SYN3: variants seen among roughly 807,000 people sequenced by gnomAD.
SYN3 encodes synapsin III.
A neutral mutation model predicts 65.8 loss-of-function variants in SYN3; 35 were observed. The observed-to-expected ratio is 0.53, with a 90% CI of 0.41 to 0.70. The LOEUF is 0.70. SYN3 is among the 30% of genes least tolerant of loss of function. The pLI, the probability that SYN3 is intolerant of heterozygous loss-of-function variation, is 0.00. For missense variants in SYN3, 680 were observed against 749.0 expected (o/e 0.91, Z 1.08); for synonymous variants, 270 against 292.9 (o/e 0.92, Z 0.80).
chr22:32,899,091 A>G lies in SYN3; in HGVS notation c.462-29966T>C, dbSNP rs1263733830. Among the ~76,000 whole-genome samples the G allele has an allele frequency of 7.7e-4, 13 of 16,862 alleles. No individual in the cohort carries two copies. In the Admixed American group the frequency reaches 8.0e-3, roughly 10 times the overall value. The allele number at this position is 16,862 out of a possible 152,430, so 11.1% of individuals were successfully genotyped here. On this transcript the variant is annotated intron_variant, in intron 4 of 13. Transcript: ENST00000358763. ...CACTCCAGCTTGGCGACAGAGTGAG[A>G]CTCTGTCTCAAAAACAAAACAAAAC...
At chr22:32,635,872 G>A (rs996927204) in intron 6 of SYN3, among the ~76,000 whole-genome samples, 15 of 152,082 alleles carry the variant, frequency 9.9e-5, no homozygotes, top group Admixed American at 5.2e-4. Flanking sequence ...ACTTAAGAAA[G>A]AATGATAAAA....
intron 12 of SYN3, among the ~76,000 whole-genome samples, chr22:32,526,621 T>G (rs1201241220): frequency 6.6e-6 from 1 of 152,148 alleles, no homozygotes; most frequent in Non-Finnish European, 1.5e-5. Flanking sequence ...GTTCAAGCGA[T>G]TCTCCTGCCT....
At chr22:33,045,957 T>A (rs2054056166) in intron 1 of SYN3, among the ~76,000 whole-genome samples, 1 of 150,150 alleles carries the variant, frequency 6.7e-6, no homozygotes, top group African/African-American at 2.5e-5. Flanking sequence ...TCCAAGAAAG[T>A]ACTGGTATAT....
chr22:32,522,936 A>T (rs2057911981), intron 12 of SYN3, among the ~76,000 whole-genome samples: 1 of 152,150 alleles, frequency 6.6e-6, no homozygotes, highest in Admixed American at 6.5e-5. Context: ...TATTTTATAC[A>T]GGCATACCTT....
chr22:32,835,076 A>G (rs2047690854), intron 6 of SYN3, among the ~76,000 whole-genome samples: 2 of 152,036 alleles, frequency 1.3e-5, no homozygotes, highest in Admixed American at 6.6e-5. Flanking sequence ...TTTTCTTTCC[A>G]TGATCAAAAC....
intron 6 of SYN3, among the ~76,000 whole-genome samples, chr22:32,811,397 T>C (rs1022741803): frequency 6.6e-6 from 1 of 152,198 alleles, no homozygotes; most frequent in African/African-American, 2.4e-5. Context: ...AGTGTTGTTA[T>C]AGAGCAGAGC....
rs1352294896 is a variant in SYN3 at position 33,006,358 on chromosome 22, G to A, written c.305C>T (p.Thr102Ile). The change falls in exon 2 of 14, where the codon ACA becomes ATA. Residue 102 changes from threonine (T) to isoleucine (I), a missense_variant. By Grantham distance (89) the Thr-to-Ile change is moderately conservative (BLOSUM62 -1). Coordinates refer to ENST00000358763, the MANE Select transcript of SYN3 (RefSeq NM_003490.4). ...CTTGCAAATTCCTACTTACCAGTCT[G>A]TATGGGCATCATCGATCACCAACAG... ...RILLVIDDAH[T>I]DWSKYFHGKK... 3 of 1,611,314 alleles carry A rather than the reference G, an allele frequency of 1.9e-6. No homozygotes were observed. The highest frequency in any genetic ancestry group is 3.3e-5 in the Admixed American group (2 of 59,776).
chr22:32,780,068 C>CAAAAAAAAAAAGAA (rs2045999243), intron 6 of SYN3, among the ~76,000 whole-genome samples: 1 of 72,598 alleles, frequency 1.4e-5, no homozygotes, highest in South Asian at 5.0e-4. Flanking sequence ...GATTCTGTCT[C>CAAAAAAAAAAAGAA]AAAAAAAAAA....
intron 6 of SYN3, among the ~76,000 whole-genome samples, chr22:32,799,394 T>A (rs1019594292): frequency 1.3e-5 from 2 of 152,212 alleles, no homozygotes; most frequent in Admixed American, 1.3e-4. Flanking sequence ...AGATTATACT[T>A]GTGCTTTCAT....
intron 1 of SYN3, among the ~76,000 whole-genome samples, chr22:33,045,664 G>A (rs192302625): frequency 2.0e-4 from 31 of 151,708 alleles, no homozygotes; most frequent in African/African-American, 6.0e-4. Flanking sequence ...GAGTTTCACC[G>A]TGTTAGCCAG....
chr22:32,807,380 TATATATTATATATA>T (rs1172528814), intron 6 of SYN3, among the ~76,000 whole-genome samples: 1,323 of 109,292 alleles, frequency 0.012, 44 homozygotes, highest in African/African-American at 0.045. Flanking sequence ...TTATATATAA[TATATATTATATATA>T]ATATATATAT....
At chr22:32,926,858 T>C (rs981025346) in intron 4 of SYN3, among the ~76,000 whole-genome samples, 3 of 152,218 alleles carry the variant, frequency 2.0e-5, no homozygotes, top group Admixed American at 2.0e-4. Context: ...ATCCAGAAGA[T>C]GCACAGGCAT....
At chr22:32,567,553 T>C (rs2031708544) in intron 7 of SYN3, among the ~76,000 whole-genome samples, 1 of 152,166 alleles carries the variant, frequency 6.6e-6, no homozygotes, top group Non-Finnish European at 1.5e-5. Flanking sequence ...GGGTTATGTA[T>C]TGGGCCTCAG....
intron 7 of SYN3, among the ~76,000 whole-genome samples, chr22:32,589,111 CAGG>C (rs1266989155): frequency 6.6e-6 from 1 of 152,244 alleles, no homozygotes; most frequent in Non-Finnish European, 1.5e-5. Context: ...CCCTGCTCTG[CAGG>C]AGGAGTCACG....
intron 9 of SYN3, among the ~76,000 whole-genome samples, chr22:32,536,976 G>A (rs553326982): frequency 7.8e-4 from 118 of 152,218 alleles, no homozygotes; most frequent in African/African-American, 2.6e-3. Flanking sequence ...ATCCTTTAGC[G>A]CTCAGCACAA....
At chr22:32,610,788 G>A (rs2059432125) in intron 6 of SYN3, among the ~76,000 whole-genome samples, 1 of 152,114 alleles carries the variant, frequency 6.6e-6, no homozygotes, top group Admixed American at 6.5e-5. Flanking sequence ...CTCCATGTTG[G>A]TCAGGCTGGT....
chr22:32,798,830 T>C (rs1294910537), intron 6 of SYN3, among the ~76,000 whole-genome samples: 1 of 151,586 alleles, frequency 6.6e-6, no homozygotes, highest in Non-Finnish European at 1.5e-5. Flanking sequence ...TAACTGGGAC[T>C]ACAGGCGCCC....
At chr22:32,730,331 A>C (rs1173552027) in intron 6 of SYN3, among the ~76,000 whole-genome samples, 1 of 152,040 alleles carries the variant, frequency 6.6e-6, no homozygotes, top group Non-Finnish European at 1.5e-5. Context: ...TCACTTCGAC[A>C]CTCGGCTTAC....
At chr22:32,949,133 G>A (rs1009417502) in intron 3 of SYN3, among the ~76,000 whole-genome samples, 8 of 152,166 alleles carry the variant, frequency 5.3e-5, no homozygotes, top group Non-Finnish European at 8.8e-5. Context: ...GATTTTGGCC[G>A]GGCACAGCAG....
Sources: allele counts gnomAD v4.1 joint callset (sites outside exome capture counted in the v4.1 genomes callset), GRCh38; gene constraint gnomAD v4.1.1; transcripts MANE v1.5; gene names NCBI Gene and HGNC (gene_info 2026-07-23, HGNC 2026-07-21).